The following KANK1 variants were observed in gnomAD, a reference collection of about 807,000 sequenced individuals.
KANK1 encodes KN motif and ankyrin repeat domain-containing protein 1.
KANK1 carries 109 observed loss-of-function variants against 106.2 expected under a neutral mutation model. The observed-to-expected ratio is 1.03, with a 90% CI of 0.88 to 1.20. KANK1 has a LOEUF of 1.20. Ranked by LOEUF, KANK1 falls within the 50% of genes most tolerant of loss-of-function variation. KANK1 has a pLI of 0.00. For missense variants in KANK1, 2,399 were observed against 1,710.7 expected (o/e 1.40, Z -7.10); for synonymous variants, 873 against 652.2 (o/e 1.34, Z -5.16).
At chr9:628,661 C>T (rs961604145) in intron 1 of KANK1, among the ~76,000 whole-genome samples, 2 of 152,120 alleles carry the variant, frequency 1.3e-5, no homozygotes, top group Non-Finnish European at 2.9e-5. Context: ...GGGGAGATTC[C>T]TCCCCTCTCT....
At chr9:564,204 C>A (rs1011118360) in intron 1 of KANK1, among the ~76,000 whole-genome samples, 1 of 151,874 alleles carries the variant, frequency 6.6e-6, no homozygotes, top group African/African-American at 2.4e-5. Context: ...GGATTACAGA[C>A]GCCCGCCACC....
chr9:574,854 CAAAAAAAAAA>C (rs57091352), intron 1 of KANK1, among the ~76,000 whole-genome samples: 4 of 79,206 alleles, frequency 5.1e-5, no homozygotes, highest in Non-Finnish European at 9.3e-5. Context: ...GACTCCGTCT[CAAAAAAAAAA>C]AAAAAAGAAA....
intron 3 of KANK1, among the ~76,000 whole-genome samples, chr9:491,287 T>TTTG (rs1489133695): frequency 1.3e-4 from 20 of 150,122 alleles, no homozygotes; most frequent in African/African-American, 4.7e-4. Flanking sequence ...TTTTTTTTTT[T>TTTG]AGACAGAGTC....
chr9:650,198 A>T (rs1385073581), intron 1 of KANK1, among the ~76,000 whole-genome samples: 1 of 152,220 alleles, frequency 6.6e-6, no homozygotes, highest in East Asian at 1.9e-4. Flanking sequence ...AGTTAAAATC[A>T]AATACATAAA....
Position 541,836 on chromosome 9 carries a change from T to C in KANK1, c.-84+37082T>C, listed in dbSNP as rs1174437658. ...CGGGCGCGGTGGCTCACGCCTGTAA[T>C]CCCAGCACTTTGGGAGGTCGAGGCG... On this transcript the variant is annotated intron_variant, in intron 1 of 11. Coordinates refer to ENST00000382297, the MANE Select transcript of KANK1 (RefSeq NM_015158.5). 1.2e-4 allele frequency among the ~76,000 whole-genome samples: 18 copies of C among 152,112 alleles called. 1 individual carries two copies. Among genetic ancestry groups the C allele is most frequent in the Admixed American group, 1.2e-3 (18 of 15,272 alleles).
In KANK1 at chr9:514,119, CCTCT is replaced by C. The variant is rs1267673532; in HGVS notation, c.-84+9373_-84+9376del. Among the ~76,000 whole-genome samples the C allele has an allele frequency of 2.7e-3, 316 of 118,886 alleles. 16 individuals carry two copies. Among genetic ancestry groups the C allele is most frequent in the African/African-American group, 9.3e-3 (189 of 20,238 alleles). 78.0% of individuals were successfully genotyped at this position (118,886 alleles called of 152,430 possible). A position where few individuals can be genotyped will look rare whatever the true frequency, so the allele number is the denominator to read the frequency against. On this transcript the variant is annotated intron_variant, in intron 1 of 11. Coordinates refer to ENST00000382297, the MANE Select transcript of KANK1 (RefSeq NM_015158.5). The stretch of plus-strand genomic sequence containing the variant: ...CTCTTACTCCCTCCCTCTCTTCCTC[CCTCT>C]CTCTCTCCCTCCCTCCCTCCCTTCC...
At chr9:719,467 GGTTA>G (rs1828721847) in intron 3 of KANK1, among the ~76,000 whole-genome samples, 1 of 152,240 alleles carries the variant, frequency 6.6e-6, no homozygotes, top group Non-Finnish European at 1.5e-5. Flanking sequence ...ACAGCTACAT[GGTTA>G]GTTAGCTGGC....
In KANK1 at chr9:590,460, A is replaced by G. The variant is rs922663474; in HGVS notation, c.-84+85706A>G. Among the ~76,000 whole-genome samples, 3 of 152,042 alleles carry G rather than the reference A, an allele frequency of 2.0e-5. No homozygotes were observed. In the East Asian group the frequency reaches 5.8e-4, roughly 29 times the overall value. On this transcript the variant is annotated intron_variant, in intron 1 of 11. Coordinates refer to ENST00000382297, the MANE Select transcript of KANK1 (RefSeq NM_015158.5). The stretch of plus-strand genomic sequence containing the variant: ...TTTAGTGTGTCTCAAGTTATATTTT[A>G]TGGTGCTTTAGATATATATATGTAT...
intron 1 of KANK1, among the ~76,000 whole-genome samples, chr9:637,407 CTAA>C (rs1452877790): frequency 6.6e-6 from 1 of 152,150 alleles, no homozygotes; most frequent in African/African-American, 2.4e-5. Flanking sequence ...TTCATTGTGA[CTAA>C]TGATGACTGA....
chr9:625,400 A>G (rs896999902), intron 1 of KANK1, among the ~76,000 whole-genome samples: 1 of 152,130 alleles, frequency 6.6e-6, no homozygotes, highest in East Asian at 1.9e-4. Flanking sequence ...GGTGAAATAA[A>G]CCTTGTTTCC....
chr9:704,717 A>C (rs1169210455), intron 2 of KANK1, among the ~76,000 whole-genome samples: 1 of 152,174 alleles, frequency 6.6e-6, no homozygotes, highest in Non-Finnish European at 1.5e-5. Flanking sequence ...ATAGTGGCTT[A>C]CACCTGTAAT....
At chr9:492,541 C>T (rs189295858) in intron 3 of KANK1, among the ~76,000 whole-genome samples, 1 of 152,282 alleles carries the variant, frequency 6.6e-6, no homozygotes, top group East Asian at 1.9e-4. Context: ...GTGAGGCTGT[C>T]TGTGAGAGAC....
intron 1 of KANK1, among the ~76,000 whole-genome samples, chr9:621,828 A>G (rs1833212488): frequency 6.6e-6 from 1 of 152,020 alleles, no homozygotes; most frequent in Non-Finnish European, 1.5e-5. Context: ...TACTCTGTAG[A>G]CTTCACATGT....
At position 691,814 on chromosome 9, in the gene KANK1, A is replaced by G. The variant is rs186177920; in HGVS notation, c.37+14805A>G. 2.1e-3 allele frequency among the ~76,000 whole-genome samples: 307 copies of G among 145,224 alleles called. 2 individuals carry two copies. The highest frequency in any genetic ancestry group is 7.4e-3 in the African/African-American group (291 of 39,108). On this transcript the variant is annotated intron_variant, in intron 2 of 11. Coordinates refer to ENST00000382297, the MANE Select transcript of KANK1 (RefSeq NM_015158.5). ...TTTTTTTTGGTAGAGACAGAGTGTC[A>G]CTGTGTCATCCAGGCTGGTCTCAAA... is the stretch of plus-strand genomic sequence containing the variant.
chr9:744,942 C>G (rs964922664), intron 11 of KANK1: 3 of 1,442,692 alleles, frequency 2.1e-6, no homozygotes, highest in African/African-American at 2.9e-5. Flanking sequence ...CTGTAGTCCA[C>G]AGTTCACTCT....
chr9:523,491 TC>T (rs2059642417), intron 1 of KANK1, among the ~76,000 whole-genome samples: 1 of 151,762 alleles, frequency 6.6e-6, no homozygotes, highest in East Asian at 1.9e-4. Context: ...AAAACAAAAG[TC>T]ACATTGTGGC....
intron 1 of KANK1, among the ~76,000 whole-genome samples, chr9:508,693 G>T (rs1249075334): frequency 6.6e-6 from 1 of 151,308 alleles, no homozygotes; most frequent in African/African-American, 2.5e-5. Context: ...CATTATATTT[G>T]TGAGATTCAG....
intron 1 of KANK1, among the ~76,000 whole-genome samples, chr9:515,125 T>C (rs996724217): frequency 5.9e-5 from 9 of 151,500 alleles, no homozygotes; most frequent in Admixed American, 3.9e-4. Flanking sequence ...GGGTGGATCA[T>C]GAGGTCAGGA....
intron 10 of KANK1, 127 bp downstream of exon 10, chr9:742,532 C>T: frequency 3.0e-6 from 2 of 675,270 alleles, no homozygotes; most frequent in South Asian, 1.9e-5. Context: ...GTGTCGCCAT[C>T]TAGGTGCCTC....
Sources: gnomAD v4.1 joint callset for allele counts (sites outside exome capture counted in the v4.1 genomes callset) on GRCh38, gnomAD v4.1.1 for gene constraint, MANE v1.5 for transcripts, NCBI Gene and HGNC (gene_info 2026-07-23, HGNC 2026-07-21) for gene names.